ADAM12: variants seen among roughly 807,000 people sequenced by gnomAD.
ADAM12 encodes ADAM metallopeptidase domain 12.
Under a neutral mutation model 106.4 loss-of-function variants are expected in ADAM12, and 70 were observed. The ratio of observed to expected loss-of-function variants is 0.66; its 90% CI spans 0.54 to 0.80. The LOEUF (loss-of-function observed/expected upper bound fraction) is 0.80, where lower values mean the gene tolerates loss of function less well. ADAM12 is among the 30% of genes least tolerant of loss of function. ADAM12 has a pLI of 0.00. For synonymous variants in ADAM12, 420 were observed against 433.5 expected (o/e 0.97, Z 0.39); for missense variants, 1,010 against 1,171.9 (o/e 0.86, Z 2.02).
At chr10:126,338,595 A>T (rs1045984796) in intron 1 of ADAM12, among the ~76,000 whole-genome samples, 1 of 152,178 alleles carries the variant, frequency 6.6e-6, no homozygotes, top group Non-Finnish European at 1.5e-5. Flanking sequence ...GTGAGATACT[A>T]ATCCCATTTT....
At position 126,260,445 on chromosome 10, in the gene ADAM12, G is replaced by A. The variant is rs1958978995; in HGVS notation, c.260+18470C>T. Among the ~76,000 whole-genome samples the A allele has an allele frequency of 2.0e-5, 3 of 152,300 alleles. No individual in the cohort carries two copies. In the South Asian group the frequency reaches 6.2e-4, roughly 32 times the overall value. On this transcript the variant is annotated intron_variant, in intron 3 of 22. Transcript: ENST00000448723. ...CTTCATCTGAGGACAAGAGATTGGA[G>A]GAACCAATGGGCTGCTCTTCATCTG...
At chr10:126,054,147 T>C (rs1418716759) in intron 14 of ADAM12, among the ~76,000 whole-genome samples, 1 of 152,226 alleles carries the variant, frequency 6.6e-6, no homozygotes, top group Non-Finnish European at 1.5e-5. Context: ...CACTTTTTAA[T>C]AGAGAAAGTG....
intron 3 of ADAM12, among the ~76,000 whole-genome samples, chr10:126,174,345 G>A (rs10901548): frequency 0.13 from 20,347 of 151,868 alleles, 1,552 homozygotes; most frequent in East Asian, 0.33. Flanking sequence ...ATCATGGCCC[G>A]GCTATCCAAG....
At chr10:126,274,903 T>C (rs749335003) in intron 3 of ADAM12, among the ~76,000 whole-genome samples, 110 of 152,236 alleles carry the variant, frequency 7.2e-4, no homozygotes, top group Admixed American at 6.5e-4. Flanking sequence ...CAAATATTTA[T>C]ACCCATGTTT....
intron 14 of ADAM12, among the ~76,000 whole-genome samples, chr10:126,061,040 T>G (rs978087543): frequency 3.3e-5 from 5 of 152,230 alleles, no homozygotes; most frequent in African/African-American, 1.2e-4. Flanking sequence ...TTCTGTATAC[T>G]GGAAATATCC....
intron 1 of ADAM12, among the ~76,000 whole-genome samples, chr10:126,357,344 G>C (rs112327955): frequency 0.034 from 5,211 of 152,204 alleles, 127 homozygotes; most frequent in South Asian, 0.054. Flanking sequence ...AAAAACTCCT[G>C]TCTACCAGGA....
intron 11 of ADAM12, among the ~76,000 whole-genome samples, chr10:126,084,533 A>C (rs7078399): frequency 0.1 from 15,756 of 152,266 alleles, 1,130 homozygotes; most frequent in African/African-American, 0.2. Flanking sequence ...CCCAGTAGAC[A>C]GACCTGCACA....
chr10:126,356,485 T>C (rs1022571310), intron 1 of ADAM12, among the ~76,000 whole-genome samples: 1 of 152,110 alleles, frequency 6.6e-6, no homozygotes, highest in African/African-American at 2.4e-5. Flanking sequence ...CTAGACTAAA[T>C]AGTAAAGGTG....
At chr10:126,261,829 G>T (rs1479420508) in intron 3 of ADAM12, among the ~76,000 whole-genome samples, 1 of 146,128 alleles carries the variant, frequency 6.8e-6, no homozygotes, top group Non-Finnish European at 1.5e-5. Flanking sequence ...TTGAGATGGA[G>T]TCTCGCTGTG....
chr10:126,309,870 T>C (rs1015130384), intron 2 of ADAM12, among the ~76,000 whole-genome samples: 3 of 151,998 alleles, frequency 2.0e-5, no homozygotes, highest in Non-Finnish European at 4.4e-5. Context: ...AAGCGACAGA[T>C]GAAATGGGCT....
intron 21 of ADAM12, among the ~76,000 whole-genome samples, chr10:126,028,123 C>G (rs1437000784): frequency 6.6e-6 from 1 of 152,134 alleles, no homozygotes; most frequent in Non-Finnish European, 1.5e-5. Context: ...AATGCAGCTA[C>G]AAGGGACATG....
intron 1 of ADAM12, among the ~76,000 whole-genome samples, chr10:126,378,355 A>G (rs1856367060): frequency 6.6e-6 from 1 of 152,238 alleles, no homozygotes; most frequent in African/African-American, 2.4e-5. Flanking sequence ...CCATTGCAAT[A>G]TCAAAAAGTT....
chr10:126,295,871 CACT>C (rs999130888), intron 2 of ADAM12, among the ~76,000 whole-genome samples: 7 of 150,628 alleles, frequency 4.6e-5, no homozygotes, highest in Non-Finnish European at 1.5e-5. Flanking sequence ...AAAAATGAAC[CACT>C]GTCATGAAGT....
At chr10:126,380,576 G>A (rs148299480) in intron 1 of ADAM12, among the ~76,000 whole-genome samples, 61 of 152,234 alleles carry the variant, frequency 4.0e-4, no homozygotes, top group Middle Eastern at 3.4e-3. Flanking sequence ...CCTGCGCACC[G>A]CTCCTGGCAC....
At chr10:126,221,614 T>C (rs1017781919) in intron 3 of ADAM12, among the ~76,000 whole-genome samples, 1 of 152,176 alleles carries the variant, frequency 6.6e-6, no homozygotes, top group African/African-American at 2.4e-5. Context: ...ACCATCTGTC[T>C]TCTCTCTCAC....
intron 3 of ADAM12, among the ~76,000 whole-genome samples, chr10:126,183,050 A>C (rs1334697562): frequency 6.6e-6 from 1 of 152,110 alleles, no homozygotes; most frequent in Non-Finnish European, 1.5e-5. Flanking sequence ...CTAGATTCTC[A>C]CAAGAGTTTG....
At chr10:126,024,893 G>A (rs1953840112) in intron 21 of ADAM12, among the ~76,000 whole-genome samples, 1 of 151,696 alleles carries the variant, frequency 6.6e-6, no homozygotes, top group Admixed American at 6.6e-5. Context: ...ACCTGGGAGT[G>A]ACACGGAGCC....
rs1248659305 is a variant in ADAM12 at position 126,016,755 on chromosome 10, C to T, written c.*524G>A. The T allele has an allele frequency of 6.6e-6, 1 of 152,444 alleles. No homozygotes were observed. The highest frequency in any genetic ancestry group is 2.4e-5 in the African/African-American group (1 of 41,442). 9.4% of individuals were successfully genotyped at this position (152,444 alleles called of 1,614,324 possible). On this transcript the variant is annotated 3_prime_UTR_variant, in exon 23 of 23. Coordinates refer to ENST00000448723, the MANE Select transcript of ADAM12 (RefSeq NM_001288973.2). ...TGCCAGTTGTCAAGGGGCACAGGGC[C>T]TCCCTGAAAGCCAAACACAGCCTGG...
intron 6 of ADAM12, among the ~76,000 whole-genome samples, chr10:126,116,549 G>A (rs1478720554): frequency 1.3e-5 from 2 of 151,942 alleles, no homozygotes; most frequent in African/African-American, 4.8e-5. Flanking sequence ...CTGTTCCTTG[G>A]GATTAGGATA....
Sources: allele counts gnomAD v4.1 joint callset (sites outside exome capture counted in the v4.1 genomes callset), GRCh38; gene constraint gnomAD v4.1.1; transcripts MANE v1.5; gene names NCBI Gene and HGNC (gene_info 2026-07-23, HGNC 2026-07-21).